Variants in DCD observed in about 807,000 individuals in gnomAD.
DCD encodes diffusible survival/evasion peptide.
DCD carries 17 observed loss-of-function variants against 14.5 expected under a neutral mutation model. The observed-to-expected ratio is 1.18, with a 90% CI of 0.81 to 1.76. DCD has a LOEUF of 1.76. Ranked by LOEUF, DCD falls within the 40% of genes most tolerant of loss-of-function variation. DCD has a pLI of 0.00. For missense variants in DCD, 139 were observed against 133.4 expected, an observed-to-expected ratio of 1.04 and a Z score of -0.21; for synonymous variants, 64 against 54.0, an observed-to-expected ratio of 1.19 and a Z score of -0.82.
chr12:54,648,215 T>C, intron 1 of DCD, 31 bp downstream of exon 1: 1 of 1,611,980 alleles, frequency 6.2e-7, no homozygotes, highest in Non-Finnish European at 8.5e-7. Flanking sequence ...GGGGACTATA[T>C]GGTTGGGTGT....
chr12:54,647,735 A>G (rs1322744317), intron 1 of DCD, among the ~76,000 whole-genome samples: 1 of 152,222 alleles, frequency 6.6e-6, no homozygotes, highest in African/African-American at 2.4e-5. Flanking sequence ...ATTTAATTAC[A>G]TTTGTGATAG....
chr12:54,644,977 A>G (rs1238607276), intron 4 of DCD, 196 bp downstream of exon 4: 2 of 1,537,550 alleles, frequency 1.3e-6, no homozygotes, highest in Non-Finnish European at 1.8e-6. Flanking sequence ...AAGAGCAATA[A>G]AAAAAAAAGC....
rs11338265 is a variant in DCD at position 54,644,624 on chromosome 12, ATTTTT to A, written c.*84_*88del. On this transcript the variant is annotated 3_prime_UTR_variant, in exon 5 of 5. Transcript: ENST00000293371. ...GCTTTCAGTTTAATAGCTGTTTTAA[ATTTTT>A]TTTTTTTTTTTTTTTTTTAGGTTTT... 1.3e-4 allele frequency: 85 copies of A among 651,326 alleles called. No homozygotes were observed. The highest frequency in any genetic ancestry group is 2.9e-4 in the South Asian group (14 of 47,472). 40.3% of individuals were successfully genotyped at this position (651,326 alleles called of 1,614,324 possible).
intron 4 of DCD, 192 bp downstream of exon 4, chr12:54,644,981 A>G: frequency 6.5e-7 from 1 of 1,543,794 alleles, no homozygotes; most frequent in Non-Finnish European, 8.7e-7. Context: ...GCAATAAAAA[A>G]AAAAGCAAGT....
rs917572680 is a variant in DCD at position 54,647,038 on chromosome 12, G to A, written c.97+83C>T. 4 of 1,431,612 alleles carry A rather than the reference G, an allele frequency of 2.8e-6. No homozygotes were observed. The African/African-American group carries it at 4.3e-5, about 15-fold the overall frequency. 88.7% of individuals were successfully genotyped at this position (1,431,612 alleles called of 1,614,324 possible). A position where few individuals can be genotyped will look rare whatever the true frequency, so the allele number is the denominator to read the frequency against. On this transcript the variant is annotated intron_variant, in intron 2 of 4. Coordinates refer to ENST00000293371, the MANE Select transcript of DCD (RefSeq NM_053283.4). Reference sequence around the variant, plus strand: ...CTCTCCTTCCCCGGACCCCCCTTCTGCTTCTCTGACTTCCTCCACTCATAT... The same window carrying A: ...CTCTCCTTCCCCGGACCCCCCTTCTACTTCTCTGACTTCCTCCACTCATAT...
In DCD at chr12:54,647,165, A is replaced by G. The variant is rs1199272056; in HGVS notation, c.59-6T>C. The stretch of plus-strand genomic sequence containing the variant: ...AGAGGCGGCCTCTGGATCATCTGCA[A>G]AGGAGGGAACAGTGACCATGTCAAG... On this transcript the variant is annotated splice_polypyrimidine_tract_variant and splice_region_variant and intron_variant, in intron 1 of 4. Coordinates refer to ENST00000293371, the MANE Select transcript of DCD (RefSeq NM_053283.4). 6.4e-7 allele frequency: 1 copy of G among 1,561,348 alleles called. No individual in the cohort carries two copies. Among genetic ancestry groups the G allele is most frequent in the South Asian group, 1.2e-5 (1 of 84,580 alleles).
In DCD at chr12:54,645,075, G is replaced by T. The variant is rs1295909165; in HGVS notation, c.289+98C>A. The stretch of plus-strand genomic sequence containing the variant: ...TTGGAGACATTTGAAAGCACAAAGT[G>T]AGGGGTCTTCAATGGGGGGGCTGTG... On this transcript the variant is annotated intron_variant, in intron 4 of 4. Coordinates refer to ENST00000293371, the MANE Select transcript of DCD (RefSeq NM_053283.4). The T allele has an allele frequency of 4.0e-6, 6 of 1,492,806 alleles. No homozygotes were observed. The African/African-American group carries it at 5.5e-5, about 14-fold the overall frequency. 92.5% of individuals were successfully genotyped at this position (1,492,806 alleles called of 1,614,324 possible).
intron 3 of DCD, 93 bp downstream of exon 3, chr12:54,645,513 C>A: frequency 2.6e-6 from 3 of 1,162,260 alleles, no homozygotes; most frequent in Non-Finnish European, 3.8e-6. Context: ...AGCTGTGTCC[C>A]TGTGCTTGTG....
At chr12:54,644,881 T>A in intron 4 of DCD, 125 bp from the exon 5 acceptor site, 1 of 1,550,586 alleles carries the variant, frequency 6.4e-7, no homozygotes, top group Non-Finnish European at 8.7e-7. Context: ...TGGAGGTGCT[T>A]ACACAGAAGT....
In DCD at chr12:54,644,720, A is replaced by G; in HGVS notation, c.326T>C (p.Val109Ala). 1.2e-6 allele frequency: 2 copies of G among 1,607,034 alleles called. No individual in the cohort carries two copies. The highest frequency in any genetic ancestry group is 1.7e-6 in the Non-Finnish European group (2 of 1,177,658). The change falls in exon 5 of 5, where the codon GTA becomes GCA. Residue 109 changes from valine (V) to alanine (A), a missense_variant. By Grantham distance (64) the Val-to-Ala change is moderately conservative. Coordinates refer to ENST00000293371, the MANE Select transcript of DCD (RefSeq NM_053283.4). The stretch of plus-strand genomic sequence containing the variant: ...CTCAGCTTCTCCTTACAGCTATAGT[A>G]CTGAGTCAAGGACGTCTTTAACGTC... ...VHDVKDVLDS[V>A]L
At chr12:54,645,349 G>A in intron 3 of DCD, 87 bp from the exon 4 acceptor site, 1 of 1,321,482 alleles carries the variant, frequency 7.6e-7, no homozygotes, top group Non-Finnish European at 1.1e-6. Context: ...TAGGCACCAT[G>A]GGCACCCCTA....
rs1163939064 is a variant in DCD at position 54,648,312 on chromosome 12, G to T, written c.-9C>A. On this transcript the variant is annotated 5_prime_UTR_variant, in exon 1 of 5. Coordinates refer to ENST00000293371, the MANE Select transcript of DCD (RefSeq NM_053283.4). ...AGAGTCATGAACCTCATGCTTCTGTGTGCTGGAGTGGGTATGCCACCAAAT... is the reference window on the plus strand; with the variant it reads ...AGAGTCATGAACCTCATGCTTCTGTTTGCTGGAGTGGGTATGCCACCAAAT... The T allele has an allele frequency of 6.2e-7, 1 of 1,613,894 alleles. No individual in the cohort carries two copies. Among genetic ancestry groups the T allele is most frequent in the African/African-American group, 1.3e-5 (1 of 74,938 alleles).
chr12:54,647,994 A>G (rs185804885), intron 1 of DCD, among the ~76,000 whole-genome samples: 1 of 152,224 alleles, frequency 6.6e-6, no homozygotes, highest in Non-Finnish European at 1.5e-5. Context: ...AAAGAATGCC[A>G]GAGTGGTTGG....
Position 54,645,607 on chromosome 12 carries a change from C to G in DCD, c.198G>C (p.Leu66=). Reference sequence around the variant, plus strand: ...CCAGGCATTGGGAAAGAGGCTTACCCAGAAGGCTGGATCTCTGCTTCCTTG... The same window carrying G: ...CCAGGCATTGGGAAAGAGGCTTACCGAGAAGGCTGGATCTCTGCTTCCTTG... ...PKPRKQRSSL[L]EKGLDGAKKA... Residue 66 remains leucine, a splice_region_variant and synonymous_variant, in exon 3 of 5, where the codon CTG becomes CTC. Coordinates refer to ENST00000293371, the MANE Select transcript of DCD (RefSeq NM_053283.4). 6.2e-7 allele frequency: 1 copy of G among 1,613,844 alleles called. No individual in the cohort carries two copies. The highest frequency in any genetic ancestry group is 1.1e-5 in the South Asian group (1 of 91,052).
At chr12:54,644,867 G>A (rs1489326683) in intron 4 of DCD, 111 bp from the exon 5 acceptor site, 2 of 1,543,342 alleles carry the variant, frequency 1.3e-6, no homozygotes, top group South Asian at 1.2e-5. Context: ...GGGGAAGGGA[G>A]GCCTGGAGGT....
chr12:54,646,575 G>C (rs933883498), intron 2 of DCD, among the ~76,000 whole-genome samples: 1 of 152,118 alleles, frequency 6.6e-6, no homozygotes. Context: ...GGGTTGAAAA[G>C]GTACCCAGGA....
At chr12:54,645,351 G>A in intron 3 of DCD, 89 bp from the exon 4 acceptor site, 4 of 1,313,000 alleles carry the variant, frequency 3.0e-6, no homozygotes, top group Middle Eastern at 1.8e-4. Flanking sequence ...GGCACCATGG[G>A]CACCCCTAAG....
intron 1 of DCD, among the ~76,000 whole-genome samples, chr12:54,647,992 C>A (rs1309090747): frequency 6.6e-6 from 1 of 152,124 alleles, no homozygotes; most frequent in Non-Finnish European, 1.5e-5. Flanking sequence ...AAAAAGAATG[C>A]CAGAGTGGTT....
intron 2 of DCD, 23 bp downstream of exon 2, chr12:54,647,098 C>A: frequency 1.9e-6 from 3 of 1,553,246 alleles, no homozygotes; most frequent in Non-Finnish European, 2.6e-6. Context: ...AGGACTGGGG[C>A]AGGAGGAAGA....
Sources: gnomAD v4.1 joint callset for allele counts (sites outside exome capture counted in the v4.1 genomes callset) on GRCh38, gnomAD v4.1.1 for gene constraint, MANE v1.5 for transcripts, NCBI Gene and HGNC (gene_info 2026-07-23, HGNC 2026-07-21) for gene names.